The following UBE2D3 variants were observed in gnomAD, a reference collection of about 807,000 sequenced individuals.
UBE2D3 encodes ubiquitin conjugating enzyme E2 D3.
UBE2D3 carries 2 observed loss-of-function variants against 22.8 expected under a neutral mutation model. The ratio of observed to expected loss-of-function variants is 0.09; its 90% CI spans 0.04 to 0.28. UBE2D3 has a LOEUF of 0.28. UBE2D3 is among the 10% of genes least tolerant of loss of function. The probability of loss-of-function intolerance (pLI) is 1.00; values close to 1 mark genes in which losing one functional copy is unlikely to be tolerated. For missense variants in UBE2D3, 27 were observed against 182.5 expected (o/e 0.15, Z 4.91); for synonymous variants, 56 against 60.4 (o/e 0.93, Z 0.34).
In UBE2D3 at chr4:102,798,901, C is replaced by T. The variant is rs376660514; in HGVS notation, c.398+506G>A. On this transcript the variant is annotated intron_variant, in intron 7 of 7. Coordinates refer to ENST00000453744, the MANE Select transcript of UBE2D3 (RefSeq NM_181891.3). ...CAAGTGCTGGCAGTACCATAATAAG[C>T]GCACCATAGAGTGCAGATCCTCTTA... 4.2e-5 allele frequency: 67 copies of T among 1,608,416 alleles called. No homozygotes were observed. In the Admixed American group the frequency reaches 6.7e-4, roughly 16 times the overall value.
intron 1 of UBE2D3, among the ~76,000 whole-genome samples, chr4:102,836,353 G>C (rs902537171): frequency 1.3e-5 from 2 of 151,752 alleles, no homozygotes; most frequent in African/African-American, 4.8e-5. Context: ...CACCATGTTG[G>C]CCAGGCTGGT....
chr4:102,846,329 T>C (rs1732040190), intron 1 of UBE2D3, among the ~76,000 whole-genome samples: 1 of 152,240 alleles, frequency 6.6e-6, no homozygotes, highest in South Asian at 2.1e-4. Context: ...CTCTACAATA[T>C]GCCCAGGAAT....
chr4:102,849,830 A>G lies in UBE2D3; in HGVS notation c.-129+18885T>C, dbSNP rs1217665938. Among the ~76,000 whole-genome samples, 4 of 152,200 alleles carry G rather than the reference A, an allele frequency of 2.6e-5. 1 individual carries two copies. The highest frequency in any genetic ancestry group is 9.7e-5 in the African/African-American group (4 of 41,444). The stretch of plus-strand genomic sequence containing the variant: ...AAACTTTGTCACACTGTTGTGGAGC[A>G]GTGACAGGGGACGGGGGACAGGGAT... On this transcript the variant is annotated intron_variant, in intron 1 of 7. Transcript: ENST00000338145.
rs537881333 is a variant in UBE2D3 at position 102,819,685 on chromosome 4, A to T, written c.24+6800T>A. The T allele has an allele frequency of 8.6e-5, 60 of 699,926 alleles. No homozygotes were observed. The South Asian group carries it at 3.3e-3, about 38-fold the overall frequency. 43.4% of individuals were successfully genotyped at this position (699,926 alleles called of 1,614,324 possible). ...GGCCAAGTTCATGGATTCTACCTTTAAGACAGTAAAATTATCACCACGATG... is the reference window on the plus strand; with the variant it reads ...GGCCAAGTTCATGGATTCTACCTTTTAGACAGTAAAATTATCACCACGATG... On this transcript the variant is annotated intron_variant, in intron 2 of 7. Coordinates refer to ENST00000453744, the MANE Select transcript of UBE2D3 (RefSeq NM_181891.3).
Position 102,809,681 on chromosome 4 carries a change from A to G in UBE2D3, c.111T>C (p.Ile37=), listed in dbSNP as rs776574761. 103 of 1,611,382 alleles carry G rather than the reference A, an allele frequency of 6.4e-5. No individual in the cohort carries two copies. Among genetic ancestry groups the G allele is most frequent in the Non-Finnish European group, 8.6e-5 (101 of 1,179,184 alleles). The change falls in exon 4 of 8, where the codon ATT becomes ATC. Residue 37 remains isoleucine (I), a synonymous_variant. Coordinates refer to ENST00000453744, the MANE Select transcript of UBE2D3 (RefSeq NM_181891.3). The part of the protein sequence containing the change: ...GDDMFHWQAT[I]MGPNDSPYQG... ...AATTCTTAATACTTACAGGTCCCAT[A>G]ATTGTGGCTTGCCAATGAAACACTA... is the stretch of plus-strand genomic sequence containing the variant.
chr4:102,852,697 G>A (rs901774828), intron 1 of UBE2D3, among the ~76,000 whole-genome samples: 7 of 152,016 alleles, frequency 4.6e-5, no homozygotes, highest in African/African-American at 1.7e-4. Context: ...TTTCCACTAT[G>A]AATATTTTTG....
intron 1 of UBE2D3, among the ~76,000 whole-genome samples, chr4:102,855,525 A>G (rs1732577728): frequency 1.3e-5 from 2 of 152,202 alleles, no homozygotes; most frequent in East Asian, 3.8e-4. Context: ...GGCTCAAGCA[A>G]TCCTCCTGCC....
At chr4:102,854,282 T>A (rs1732528412) in intron 1 of UBE2D3, among the ~76,000 whole-genome samples, 1 of 152,192 alleles carries the variant, frequency 6.6e-6, no homozygotes, top group Non-Finnish European at 1.5e-5. Flanking sequence ...TTTTTAAGGA[T>A]AATGTATATT....
At chr4:102,798,266 A>G (rs771561914) in intron 7 of UBE2D3, among the ~76,000 whole-genome samples, 5 of 146,428 alleles carry the variant, frequency 3.4e-5, no homozygotes, top group Non-Finnish European at 6.1e-5. Flanking sequence ...AACAGTGATA[A>G]CCTTAAGAAA....
intron 2 of UBE2D3, chr4:102,825,417 A>C: frequency 9.3e-7 from 1 of 1,074,188 alleles, no homozygotes; most frequent in Non-Finnish European, 1.1e-6. Flanking sequence ...TGAGCAGAGG[A>C]TCTTAGAGCA....
At chr4:102,799,577 A>C in intron 6 of UBE2D3, 77 bp from the exon 7 acceptor site, 1 of 1,051,258 alleles carries the variant, frequency 9.5e-7, no homozygotes, top group Non-Finnish European at 1.4e-6. Context: ...GTGTATTACA[A>C]AACTCAATCC....
At chr4:102,808,351 T>C (rs1003707640) in intron 4 of UBE2D3, among the ~76,000 whole-genome samples, 3 of 152,170 alleles carry the variant, frequency 2.0e-5, no homozygotes, top group Non-Finnish European at 2.9e-5. Context: ...TTAAACAATA[T>C]TGCTACCAAA....
chr4:102,817,542 G>T (rs868499481), intron 2 of UBE2D3, among the ~76,000 whole-genome samples: 1 of 152,126 alleles, frequency 6.6e-6, no homozygotes, highest in Non-Finnish European at 1.5e-5. Context: ...TGGACTAGGG[G>T]TAAGTTTCAA....
chr4:102,860,155 ATTG>A (rs1387573739), intron 1 of UBE2D3, among the ~76,000 whole-genome samples: 1 of 148,038 alleles, frequency 6.8e-6, no homozygotes, highest in Non-Finnish European at 1.5e-5. Context: ...CCAGAATTTG[ATTG>A]TTTAGTGGTT....
At chr4:102,822,914 T>C (rs223396) in intron 2 of UBE2D3, among the ~76,000 whole-genome samples, 87,321 of 151,974 alleles carry the variant, frequency 0.57, 26,385 homozygotes, top group African/African-American at 0.78. Context: ...CCAGCCTGGG[T>C]AACACAGTGA....
intron 1 of UBE2D3, among the ~76,000 whole-genome samples, chr4:102,840,402 C>G (rs1456538692): frequency 6.6e-6 from 1 of 152,204 alleles, no homozygotes; most frequent in East Asian, 1.9e-4. Flanking sequence ...AGAATGAAAT[C>G]ATTTCCTCTG....
At position 102,860,484 on chromosome 4, in the gene UBE2D3, C is replaced by A. The variant is rs188834437; in HGVS notation, c.-129+8231G>T. On this transcript the variant is annotated intron_variant, in intron 1 of 7. Transcript: ENST00000338145. ...CTAACTTTGCATCTGAAGAAAGAGT[C>A]ACTTCCTCCAGTCTTTACTGACTAG... 1.3e-3 allele frequency among the ~76,000 whole-genome samples: 201 copies of A among 151,752 alleles called. 5 individuals carry two copies. The highest frequency in any genetic ancestry group is 1.7e-3 in the Non-Finnish European group (114 of 67,788).
intron 1 of UBE2D3, among the ~76,000 whole-genome samples, chr4:102,848,691 C>T (rs1349369174): frequency 2.0e-5 from 3 of 151,834 alleles, no homozygotes; most frequent in Non-Finnish European, 4.4e-5. Context: ...TGGTAGTGCA[C>T]GCCTATAGTC....
intron 1 of UBE2D3, chr4:102,827,012 G>C: frequency 1.5e-5 from 15 of 995,014 alleles, no homozygotes; most frequent in Non-Finnish European, 1.8e-5. Flanking sequence ...TAAGACTCCG[G>C]ACGGACGCCG....
Sources: gnomAD v4.1 joint callset for allele counts (sites outside exome capture counted in the v4.1 genomes callset) on GRCh38, gnomAD v4.1.1 for gene constraint, MANE v1.5 for transcripts, NCBI Gene and HGNC (gene_info 2026-07-23, HGNC 2026-07-21) for gene names.